The following NBAS variants were observed in gnomAD, a reference collection of about 807,000 sequenced individuals.
NBAS encodes NAG/BC035112 fusion.
NBAS carries 219 observed loss-of-function variants against 302.5 expected under a neutral mutation model. The ratio of observed to expected loss-of-function variants is 0.72; its 90% CI spans 0.65 to 0.81. The LOEUF is 0.81. Ranked by LOEUF, NBAS falls within the 30% of genes least tolerant of loss-of-function variation. The probability of loss-of-function intolerance (pLI) is 0.00; values close to 1 mark genes in which losing one functional copy is unlikely to be tolerated. For synonymous variants in NBAS, 1,118 were observed against 1,021.6 expected, an observed-to-expected ratio of 1.09 and a Z score of -1.80; for missense variants, 2,932 against 2,841.6, an observed-to-expected ratio of 1.03 and a Z score of -0.72.
At chr2:15,091,481 T>G in the NBAS span, among the ~76,000 whole-genome samples, 1 of 152,216 alleles carries the variant, frequency 6.6e-6, no homozygotes, top group Admixed American at 6.5e-5. Context: ...TTGTGGTTTT[T>G]TTGGCTTGCT....
chr2:15,535,109 T>C (rs1226130261), intron 8 of NBAS, among the ~76,000 whole-genome samples: 1 of 152,196 alleles, frequency 6.6e-6, no homozygotes, highest in Non-Finnish European at 1.5e-5. Flanking sequence ...ATATGATGAA[T>C]GAAAGAAGAC....
At chr2:15,396,324 G>T in intron 27 of NBAS, 89 bp downstream of exon 27, 1 of 1,063,168 alleles carries the variant, frequency 9.4e-7, no homozygotes, top group African/African-American at 1.6e-5. Flanking sequence ...AAGTAGAAAC[G>T]ATGACTCACA....
the NBAS span, among the ~76,000 whole-genome samples, chr2:15,050,325 G>A: frequency 1.3e-4 from 17 of 133,042 alleles, no homozygotes; most frequent in African/African-American, 2.6e-4. Flanking sequence ...TTTTTCATTC[G>A]CCAGATCCAA....
At chr2:15,231,663 A>G (rs1438902116) in intron 47 of NBAS, among the ~76,000 whole-genome samples, 4 of 152,244 alleles carry the variant, frequency 2.6e-5, no homozygotes, top group Admixed American at 2.6e-4. Flanking sequence ...AAACTATATA[A>G]AAAGATATCT....
downstream of NBAS, among the ~76,000 whole-genome samples, chr2:15,163,204 T>C (rs539925040): frequency 5.9e-5 from 9 of 152,328 alleles, no homozygotes; most frequent in South Asian, 1.5e-3. Context: ...CATGTGAGAA[T>C]AGGGCGAAGA....
the NBAS span, among the ~76,000 whole-genome samples, chr2:15,060,648 C>A: frequency 6.6e-6 from 1 of 151,752 alleles, no homozygotes; most frequent in African/African-American, 2.4e-5. Context: ...GACTTCGAGT[C>A]GGGGAGGGGG....
the NBAS span, among the ~76,000 whole-genome samples, chr2:15,135,690 G>A: frequency 3.3e-5 from 5 of 151,962 alleles, no homozygotes; most frequent in African/African-American, 1.2e-4. Flanking sequence ...ACTCTAAGTG[G>A]GAAGAGACTC....
In NBAS at chr2:15,336,623, C is replaced by T. The variant is rs115526278; in HGVS notation, c.4180-5858G>A. 9.2e-3 allele frequency among the ~76,000 whole-genome samples: 1,391 copies of T among 151,956 alleles called. 27 individuals are homozygous for T. The highest frequency in any genetic ancestry group is 0.032 in the African/African-American group (1,318 of 41,444). ...CACACACCACTAATCCCAGCTACTC[C>T]GGAGCCTGAAGCAGGAGAATTGCTT... On this transcript the variant is annotated intron_variant, in intron 35 of 51. Coordinates refer to ENST00000281513, the MANE Select transcript of NBAS (RefSeq NM_015909.4).
chr2:14,981,338 G>A, the NBAS span, among the ~76,000 whole-genome samples: 1 of 152,156 alleles, frequency 6.6e-6, no homozygotes, highest in African/African-American at 2.4e-5. Flanking sequence ...AAAAGAAAAT[G>A]ATTTTAACAG....
chr2:14,781,475 G>GA, the NBAS span, among the ~76,000 whole-genome samples: 241 of 144,426 alleles, frequency 1.7e-3, no homozygotes, highest in Middle Eastern at 3.6e-3. Flanking sequence ...AAATCTACAG[G>GA]AAAAAAAAAA....
chr2:15,212,726 C>T lies in NBAS; in HGVS notation c.6432+6047G>A, dbSNP rs575434943. The stretch of plus-strand genomic sequence containing the variant: ...TCGTGATAGTAAGTTCTCACAAGAT[C>T]TGATGGTTTTATAGGAAGCCTCCTT... On this transcript the variant is annotated intron_variant, in intron 48 of 51. Coordinates refer to ENST00000281513, the MANE Select transcript of NBAS (RefSeq NM_015909.4). Among the ~76,000 whole-genome samples the T allele has an allele frequency of 7.9e-5, 12 of 152,270 alleles. No homozygotes were observed. The South Asian group carries it at 1.4e-3, about 18-fold the overall frequency.
chr2:15,370,155 T>C (rs1674414684), intron 31 of NBAS, among the ~76,000 whole-genome samples: 1 of 152,198 alleles, frequency 6.6e-6, no homozygotes, highest in Non-Finnish European at 1.5e-5. Flanking sequence ...ATGCAGGTTC[T>C]TGAGCCAGAC....
the NBAS span, among the ~76,000 whole-genome samples, chr2:14,966,243 G>A: frequency 6.6e-6 from 1 of 152,186 alleles, no homozygotes; most frequent in Non-Finnish European, 1.5e-5. Context: ...CCAGTTTGTG[G>A]TACTTTGTAA....
At chr2:14,924,784 A>G in the NBAS span, among the ~76,000 whole-genome samples, 8 of 152,120 alleles carry the variant, frequency 5.3e-5, no homozygotes, top group Admixed American at 4.6e-4. Context: ...CTCTGAGTTG[A>G]GGGATTTCTT....
intron 48 of NBAS, among the ~76,000 whole-genome samples, chr2:15,201,888 G>A (rs1665892852): frequency 1.3e-5 from 2 of 152,218 alleles, no homozygotes; most frequent in South Asian, 4.1e-4. Context: ...CCTAGCTCAT[G>A]CAAGGGTGAG....
intron 25 of NBAS, among the ~76,000 whole-genome samples, chr2:15,407,414 G>A (rs1045274622): frequency 1.3e-5 from 2 of 152,146 alleles, no homozygotes; most frequent in African/African-American, 4.8e-5. Context: ...ATACTTTCTG[G>A]AGGACTACAC....
At chr2:15,546,094 AAACTTC>A (rs761111763) in intron 6 of NBAS, among the ~76,000 whole-genome samples, 17 of 152,270 alleles carry the variant, frequency 1.1e-4, no homozygotes, top group Non-Finnish European at 2.5e-4. Context: ...AGTGCTTCTT[AAACTTC>A]AACCTAAAAA....
the NBAS span, among the ~76,000 whole-genome samples, chr2:15,111,885 A>G: frequency 6.8e-6 from 1 of 147,910 alleles, no homozygotes; most frequent in Non-Finnish European, 1.5e-5. Flanking sequence ...ATTTAATTAT[A>G]TTAATTAAAT....
At chr2:15,385,346 T>C (rs899687158) in intron 28 of NBAS, among the ~76,000 whole-genome samples, 4 of 152,336 alleles carry the variant, frequency 2.6e-5, no homozygotes, top group Admixed American at 2.0e-4. Flanking sequence ...ATCTAGGCAC[T>C]GTCTAGCTGA....
Sources: gnomAD v4.1 joint callset for allele counts (sites outside exome capture counted in the v4.1 genomes callset) on GRCh38, gnomAD v4.1.1 for gene constraint, MANE v1.5 for transcripts, NCBI Gene and HGNC (gene_info 2026-07-23, HGNC 2026-07-21) for gene names.